CFHR3: variants seen among roughly 807,000 people sequenced by gnomAD.
The protein encoded by CFHR3 is complement factor H related 3, also known as complement factor H-related protein 3.
In CFHR3, 22 loss-of-function variants were observed where a neutral mutation model predicts 36.0. The ratio of observed to expected loss-of-function variants is 0.61; its 90% CI spans 0.44 to 0.87. The LOEUF is 0.87. CFHR3 is among the 40% of genes least tolerant of loss of function. CFHR3 has a pLI of 0.00. For synonymous variants in CFHR3, 97 were observed against 137.4 expected, an observed-to-expected ratio of 0.71 and a Z score of 2.06; for missense variants, 276 against 401.3, an observed-to-expected ratio of 0.69 and a Z score of 2.67.
chr1:196,786,791 C>T lies in CFHR3; in HGVS notation c.431-1425C>T, dbSNP rs959537522. 3.7e-4 allele frequency among the ~76,000 whole-genome samples: 51 copies of T among 137,200 alleles called. 10 individuals are homozygous for T. Among genetic ancestry groups the T allele is most frequent in the African/African-American group, 1.2e-3 (41 of 32,890 alleles). The allele number at this position is 137,200 out of a possible 152,430, so 90.0% of individuals were successfully genotyped here. ...CAATGCCTTCCCCTGCTTTGGCTCA[C>T]GCACGGTGCGCTGCACCCATTGTCC... On this transcript the variant is annotated intron_variant, in intron 3 of 5. Coordinates refer to ENST00000367425, the MANE Select transcript of CFHR3 (RefSeq NM_021023.6).
At chr1:196,788,068 G>A in intron 3 of CFHR3, 148 bp from the exon 4 acceptor site, 1 of 580,528 alleles carries the variant, frequency 1.7e-6, no homozygotes, top group East Asian at 3.9e-5. Flanking sequence ...TAAGAACACG[G>A]ATGTCTAGGA....
chr1:196,783,740 C>T (rs1475955009), intron 3 of CFHR3, among the ~76,000 whole-genome samples: 2 of 135,432 alleles, frequency 1.5e-5, no homozygotes, highest in Non-Finnish European at 3.1e-5. Context: ...TTTGTTGATC[C>T]TTTCAAAAAA....
rs539217318 is a variant in CFHR3 at position 196,794,320 on chromosome 1, C to G, written c.*807C>G. 1.9e-3 allele frequency among the ~76,000 whole-genome samples: 254 copies of G among 135,876 alleles called. 61 individuals carry two copies. The highest frequency in any genetic ancestry group is 7.2e-3 in the African/African-American group (234 of 32,416). The allele number at this position is 135,876 out of a possible 152,430, so 89.1% of individuals were successfully genotyped here. ...TCTACTAAAAATAGAAAAACTAGCTCGGCATGATGGCGTGCACCTGTAGTC... is the reference window on the plus strand; with the variant it reads ...TCTACTAAAAATAGAAAAACTAGCTGGGCATGATGGCGTGCACCTGTAGTC... On this transcript the variant is annotated 3_prime_UTR_variant, in exon 6 of 6. Transcript: ENST00000367425.
In CFHR3 at chr1:196,778,805, A is replaced by G. The variant is rs1178525903; in HGVS notation, c.59-357A>G. Among the ~76,000 whole-genome samples the G allele has an allele frequency of 1.5e-5, 2 of 136,840 alleles. 1 individual carries two copies. Among genetic ancestry groups the G allele is most frequent in the Non-Finnish European group, 3.1e-5 (2 of 64,548 alleles). The allele number at this position is 136,840 out of a possible 152,430, so 89.8% of individuals were successfully genotyped here. ...ACTGACAGCTTTAGCATAACTTGGTATAGTTCTAGATAAGCTCAGTTCAAA... is the reference window on the plus strand; with the variant it reads ...ACTGACAGCTTTAGCATAACTTGGTGTAGTTCTAGATAAGCTCAGTTCAAA... On this transcript the variant is annotated intron_variant, in intron 1 of 5. Coordinates refer to ENST00000367425, the MANE Select transcript of CFHR3 (RefSeq NM_021023.6).
At chr1:196,780,029 C>A in intron 3 of CFHR3, 56 bp downstream of exon 3, 1 of 1,520,374 alleles carries the variant, frequency 6.6e-7, no homozygotes, top group Non-Finnish European at 8.9e-7. Context: ...GTAACACGGA[C>A]GACAGTCTCA....
At chr1:196,784,256 G>T (rs1558199607) in intron 3 of CFHR3, among the ~76,000 whole-genome samples, 2 of 136,250 alleles carry the variant, frequency 1.5e-5, no homozygotes, top group Non-Finnish European at 3.1e-5. Flanking sequence ...GTGTGGTGTG[G>T]TGCTGAAAAA....
chr1:196,781,935 G>T (rs1653968468), intron 3 of CFHR3, among the ~76,000 whole-genome samples: 1 of 136,894 alleles, frequency 7.3e-6, no homozygotes, highest in African/African-American at 3.1e-5. Context: ...TATGGTGTTA[G>T]GTCTATCATT....
chr1:196,791,852 TG>T (rs1654438433), intron 5 of CFHR3, among the ~76,000 whole-genome samples: 2 of 136,428 alleles, frequency 1.5e-5, no homozygotes, highest in South Asian at 5.1e-4. Context: ...ACTCCTAAGA[TG>T]GGTTTCACAG....
rs1167466866 is a variant in CFHR3 at position 196,779,698 on chromosome 1, C to T, written c.254-99C>T. ...TGTACATTATTTTTGGATGTTTATG[C>T]GATCTTATTTAAATATGGTAACAAT... On this transcript the variant is annotated intron_variant, in intron 2 of 5. Coordinates refer to ENST00000367425, the MANE Select transcript of CFHR3 (RefSeq NM_021023.6). The T allele has an allele frequency of 2.2e-5, 30 of 1,349,090 alleles. 4 individuals are homozygous for T. Among genetic ancestry groups the T allele is most frequent in the South Asian group, 1.4e-4 (9 of 62,478 alleles). 83.6% of individuals were successfully genotyped at this position (1,349,090 alleles called of 1,614,324 possible).
chr1:196,788,540 C>T (rs1654301073), intron 4 of CFHR3, 142 bp downstream of exon 4: 2 of 1,269,842 alleles, frequency 1.6e-6, no homozygotes, highest in East Asian at 2.5e-5. Context: ...ACATTCTGTG[C>T]CAAATTAAGT....
At position 196,777,055 on chromosome 1, in the gene CFHR3, A is replaced by G. The variant is rs1653749865; in HGVS notation, c.59-2107A>G. Among the ~76,000 whole-genome samples, 2 of 136,174 alleles carry G rather than the reference A, an allele frequency of 1.5e-5. 1 individual carries two copies. The allele number at this position is 136,174 out of a possible 152,430, so 89.3% of individuals were successfully genotyped here. On this transcript the variant is annotated intron_variant, in intron 1 of 5. Coordinates refer to ENST00000367425, the MANE Select transcript of CFHR3 (RefSeq NM_021023.6). Reference sequence around the variant, plus strand: ...ATATACTTTGTGAGTTGCTTATGCTAAGAATTTTTTTTTAATGGTGGTTGA... The same window carrying G: ...ATATACTTTGTGAGTTGCTTATGCTGAGAATTTTTTTTTAATGGTGGTTGA...
In CFHR3 at chr1:196,793,676, A is replaced by C; in HGVS notation, c.*163A>C. 1 of 665,408 alleles carries C rather than the reference A, an allele frequency of 1.5e-6. No homozygotes were observed. 41.2% of individuals were successfully genotyped at this position (665,408 alleles called of 1,614,324 possible). On this transcript the variant is annotated 3_prime_UTR_variant, in exon 6 of 6. Coordinates refer to ENST00000367425, the MANE Select transcript of CFHR3 (RefSeq NM_021023.6). ...TCAATTTGCAACTTAATATATTCTC[A>C]AAAATATATTAAAACAAACTAAATT...
In CFHR3 at chr1:196,786,728, A is replaced by C. The variant is rs1015568938; in HGVS notation, c.431-1488A>C. On this transcript the variant is annotated intron_variant, in intron 3 of 5. Transcript: ENST00000367425. The stretch of plus-strand genomic sequence containing the variant: ...GTGTCACCCCTTTCTTTGACTAGGA[A>C]AGGGAACTCCCTGACCCCTTGTGCC... Among the ~76,000 whole-genome samples, 4 of 136,634 alleles carry C rather than the reference A, an allele frequency of 2.9e-5. 2 individuals carry two copies. The highest frequency in any genetic ancestry group is 1.2e-4 in the African/African-American group (4 of 32,686). 89.6% of individuals were successfully genotyped at this position (136,634 alleles called of 152,430 possible).
chr1:196,788,963 T>C (rs1654317174), intron 4 of CFHR3: 1 of 1,347,268 alleles, frequency 7.4e-7, no homozygotes, highest in Non-Finnish European at 9.6e-7. Context: ...GTGGGCTGAA[T>C]GTTTACAAAC....
chr1:196,781,890 T>G (rs1445153737), intron 3 of CFHR3, among the ~76,000 whole-genome samples: 1 of 136,916 alleles, frequency 7.3e-6, no homozygotes, highest in East Asian at 1.9e-4. Context: ...GCCTATGTCC[T>G]GAATGGTAAT....
At position 196,795,199 on chromosome 1, in the gene CFHR3, G is replaced by C. The variant is rs756789640; in HGVS notation, c.*1686G>C. On this transcript the variant is annotated 3_prime_UTR_variant, in exon 6 of 6. Transcript: ENST00000367425. Reference sequence around the variant, plus strand: ...GCCAGGTGGAGATAATGGAATCATGGGAGCAGTTTCCCCATACCCCACTCA... The same window carrying C: ...GCCAGGTGGAGATAATGGAATCATGCGAGCAGTTTCCCCATACCCCACTCA... 2 of 136,214 alleles carry C rather than the reference G, an allele frequency of 1.5e-5. 1 individual carries two copies. Among genetic ancestry groups the C allele is most frequent in the Non-Finnish European group, 3.1e-5 (2 of 64,424 alleles). 8.4% of individuals were successfully genotyped at this position (136,214 alleles called of 1,614,324 possible). A position where few individuals can be genotyped will look rare whatever the true frequency, so the allele number is the denominator to read the frequency against.
At chr1:196,780,258 G>T (rs1653891935) in intron 3 of CFHR3, among the ~76,000 whole-genome samples, 1 of 137,270 alleles carries the variant, frequency 7.3e-6, no homozygotes, top group Non-Finnish European at 1.5e-5. Flanking sequence ...CGGCATTAAT[G>T]TCTCGGGTAA....
At chr1:196,779,507 T>C in intron 2 of CFHR3, 151 bp downstream of exon 2, 1 of 746,156 alleles carries the variant, frequency 1.3e-6, no homozygotes, top group Non-Finnish European at 2.1e-6. Flanking sequence ...ATCTTTTCTA[T>C]TATGAGGAGT....
At chr1:196,792,913 T>A (rs1380482727) in intron 5 of CFHR3, among the ~76,000 whole-genome samples, 1 of 136,662 alleles carries the variant, frequency 7.3e-6, no homozygotes, top group East Asian at 2.0e-4. Flanking sequence ...ATTAGCAAAA[T>A]GTGAGTACAT....
Sources: gnomAD v4.1 joint callset for allele counts (sites outside exome capture counted in the v4.1 genomes callset) on GRCh38, gnomAD v4.1.1 for gene constraint, MANE v1.5 for transcripts, NCBI Gene and HGNC (gene_info 2026-07-23, HGNC 2026-07-21) for gene names.